Variants in TENM1 observed in about 807,000 individuals in gnomAD.
The protein encoded by TENM1 is teneurin transmembrane protein 1, also known as teneurin-1.
In TENM1, 35 loss-of-function variants were observed where a neutral mutation model predicts 174.8. The observed-to-expected ratio is 0.20, with a 90% confidence interval of 0.15 to 0.27. The LOEUF (loss-of-function observed/expected upper bound fraction) is 0.27, where lower values mean the gene tolerates loss of function less well. Ranked by LOEUF, TENM1 falls within the 10% of genes least tolerant of loss-of-function variation. The pLI, the probability that TENM1 is intolerant of heterozygous loss-of-function variation, is 1.00. For synonymous variants in TENM1, 781 were observed against 798.7 expected, an observed-to-expected ratio of 0.98 and a Z score of 0.37; for missense variants, 1,633 against 2,130.1, an observed-to-expected ratio of 0.77 and a Z score of 4.59.
At chrX:125,005,183 T>C in the TENM1 span, among the ~76,000 whole-genome samples, 3 of 69,127 alleles carry the variant, frequency 4.3e-5, no homozygotes, top group Non-Finnish European at 8.2e-5. Context: ...CTAAAAGATG[T>C]ATACATACAC....
chrX:124,424,999 T>A (rs2060694931), intron 23 of TENM1, among the ~76,000 whole-genome samples: 1 of 111,346 alleles, frequency 9.0e-6, no homozygotes, highest in Non-Finnish European at 1.9e-5. Flanking sequence ...GTCTCAGGTA[T>A]TTCTTTATAG....
At chrX:125,030,698 T>C in the TENM1 span, among the ~76,000 whole-genome samples, 4 of 112,114 alleles carry the variant, frequency 3.6e-5, no homozygotes, top group Admixed American at 3.8e-4. Context: ...ATGTGAATTA[T>C]TAAAAACAAA....
chrX:124,821,312 A>C (rs2056032495), intron 3 of TENM1, among the ~76,000 whole-genome samples: 1 of 111,827 alleles, frequency 8.9e-6, no homozygotes, highest in Non-Finnish European at 1.9e-5. Context: ...AAGTTGCTTA[A>C]AAATAGACAT....
At chrX:124,788,035 C>A (rs1184529988) in intron 3 of TENM1, among the ~76,000 whole-genome samples, 2 of 111,322 alleles carry the variant, frequency 1.8e-5, no homozygotes, top group African/African-American at 3.3e-5. Context: ...CGGGGCAACT[C>A]CCGTTTTAAA....
intron 4 of TENM1, among the ~76,000 whole-genome samples, chrX:124,705,769 A>G (rs1265973686): frequency 8.9e-6 from 1 of 112,010 alleles, no homozygotes; most frequent in African/African-American, 3.2e-5. Flanking sequence ...ACAATCACAT[A>G]CTCACTAACT....
At chrX:124,780,897 G>C (rs2054892083) in intron 3 of TENM1, among the ~76,000 whole-genome samples, 1 of 111,443 alleles carries the variant, frequency 9.0e-6, no homozygotes, top group Non-Finnish European at 1.9e-5. Flanking sequence ...TGCTGCATTG[G>C]AAAGACCTTT....
intron 3 of TENM1, among the ~76,000 whole-genome samples, chrX:124,785,847 C>A (rs1399021042): frequency 8.9e-6 from 1 of 112,031 alleles, no homozygotes; most frequent in Non-Finnish European, 1.9e-5. Context: ...GGTGACATTT[C>A]AAATTATTCA....
chrX:124,520,791 T>TAAA lies in TENM1; in HGVS notation c.3034-10_3034-8dup, dbSNP rs112813437. ...GAATTTCCTCCTGTACAACCTGAAA[T>TAAA]AAAAAAAAAAAAAAAAAGCCAAATA... is the stretch of plus-strand genomic sequence containing the variant. On this transcript the variant is annotated splice_polypyrimidine_tract_variant and splice_region_variant and intron_variant, in intron 17 of 31. Transcript: ENST00000422452. 9 of 1,035,811 alleles carry TAAA rather than the reference T, an allele frequency of 8.7e-6. No individual in the cohort carries two copies. The highest frequency in any genetic ancestry group is 2.2e-5 in the African/African-American group (1 of 45,226). 85.4% of individuals were successfully genotyped at this position (1,035,811 alleles called of 1,213,427 possible). A position where few individuals can be genotyped will look rare whatever the true frequency, so the allele number is the denominator to read the frequency against.
At chrX:124,551,679 T>TTATTTACATTTATTATGTTCAGG (rs2048577658) in intron 14 of TENM1, among the ~76,000 whole-genome samples, 2 of 111,603 alleles carry the variant, frequency 1.8e-5, no homozygotes, top group Admixed American at 9.5e-5. Flanking sequence ...ACTGACCAAA[T>TTATTTACATTTATTATGTTCAGG]TATTTACATT....
At chrX:124,416,167 C>T (rs1167345394) in intron 25 of TENM1, among the ~76,000 whole-genome samples, 1 of 111,554 alleles carries the variant, frequency 9.0e-6, no homozygotes, top group African/African-American at 3.3e-5. Flanking sequence ...AGTACATTTG[C>T]AATGTTGTGC....
intron 15 of TENM1, among the ~76,000 whole-genome samples, chrX:124,545,996 A>G (rs772861012): frequency 1.1e-4 from 12 of 112,375 alleles, no homozygotes; most frequent in Admixed American, 1.0e-3. Context: ...TCTACTATGT[A>G]TAGGTCAAGA....
the TENM1 span, among the ~76,000 whole-genome samples, chrX:124,989,136 C>T: frequency 9.0e-6 from 1 of 111,229 alleles, no homozygotes; most frequent in Non-Finnish European, 1.9e-5. Flanking sequence ...TTGCAAATGG[C>T]ACAACTATTT....
At chrX:124,928,356 A>G (rs1219285905) in intron 1 of TENM1, among the ~76,000 whole-genome samples, 1 of 112,154 alleles carries the variant, frequency 8.9e-6, no homozygotes, top group Non-Finnish European at 1.9e-5. Context: ...CAAGTTTCCT[A>G]GAATAGTCAT....
At chrX:124,886,548 T>TATATATATATAG (rs1187597592) in intron 3 of TENM1, among the ~76,000 whole-genome samples, 1 of 59,993 alleles carries the variant, frequency 1.7e-5, no homozygotes, top group Non-Finnish European at 3.0e-5. Flanking sequence ...TATATATATA[T>TATATATATATAG]AGAGAGAGAG....
Position 124,471,238 on chromosome X carries a change from TAA to T in TENM1, c.3949+10492_3949+10493del, listed in dbSNP as rs1359375134. On this transcript the variant is annotated intron_variant, in intron 22 of 31. Coordinates refer to ENST00000422452, the Ensembl canonical transcript of TENM1. The stretch of plus-strand genomic sequence containing the variant: ...ATATTATAATATATAGTACTATATA[TAA>T]TATATAATAATATATATTATAATAT... Among the ~76,000 whole-genome samples, 133 of 64,605 alleles carry T rather than the reference TAA, an allele frequency of 2.1e-3. 3 individuals carry two copies. The highest frequency in any genetic ancestry group is 8.3e-3 in the African/African-American group (123 of 14,803). 56.1% of individuals were successfully genotyped at this position (64,605 alleles called of 115,157 possible). A position where few individuals can be genotyped will look rare whatever the true frequency, so the allele number is the denominator to read the frequency against.
chrX:124,927,602 G>A (rs1045538516), intron 1 of TENM1, among the ~76,000 whole-genome samples: 3 of 111,710 alleles, frequency 2.7e-5, no homozygotes, highest in Non-Finnish European at 3.8e-5. Context: ...AGAGAAAGAT[G>A]CTGGTGCTAA....
the TENM1 span, among the ~76,000 whole-genome samples, chrX:125,077,196 A>T: frequency 1.8e-5 from 2 of 111,571 alleles, no homozygotes; most frequent in African/African-American, 3.2e-5. Context: ...ATTATTTTTT[A>T]AAATTATCTT....
At chrX:124,854,952 T>C (rs2056787978) in intron 3 of TENM1, among the ~76,000 whole-genome samples, 1 of 111,791 alleles carries the variant, frequency 8.9e-6, no homozygotes, top group Non-Finnish European at 1.9e-5. Flanking sequence ...AATTATCTTT[T>C]TCGCAAATGG....
At chrX:124,487,213 G>A in exon 21 of TENM1, 5 of 1,166,418 alleles carry the variant, frequency 4.3e-6, no homozygotes, top group Non-Finnish European at 5.7e-6. Context: ...GCTTACCTAT[G>A]TCTGGTATCT....
Sources: allele counts gnomAD v4.1 joint callset (sites outside exome capture counted in the v4.1 genomes callset), GRCh38; gene constraint gnomAD v4.1.1; transcripts MANE v1.5; gene names NCBI Gene and HGNC (gene_info 2026-07-23, HGNC 2026-07-21).